PLCH1: variants seen among roughly 807,000 people sequenced by gnomAD.
PLCH1 encodes the protein 1-phosphatidylinositol 4,5-bisphosphate phosphodiesterase eta-1.
In PLCH1, 60 loss-of-function variants were observed where a neutral mutation model predicts 126.7. The ratio of observed to expected loss-of-function variants is 0.47; its 90% CI spans 0.38 to 0.59. PLCH1 has a LOEUF of 0.59. Among genes scored for constraint, PLCH1 ranks in the 20% least tolerant of loss-of-function variants. PLCH1 has a pLI of 0.00. For synonymous variants in PLCH1, 719 were observed against 734.9 expected (o/e 0.98, Z 0.35); for missense variants, 1,723 against 2,040.0 (o/e 0.84, Z 2.99).
chr3:155,683,133 T>C (rs1472822967), intron 2 of PLCH1, among the ~76,000 whole-genome samples: 1 of 152,182 alleles, frequency 6.6e-6, no homozygotes, highest in African/African-American at 2.4e-5. Context: ...CAAAACAAAC[T>C]GAGTATAACC....
At chr3:155,616,074 G>T (rs946890223) in intron 2 of PLCH1, among the ~76,000 whole-genome samples, 2 of 152,094 alleles carry the variant, frequency 1.3e-5, no homozygotes, top group African/African-American at 2.4e-5. Context: ...GAGACATTTG[G>T]AGTTAGCCAT....
intron 8 of PLCH1, among the ~76,000 whole-genome samples, chr3:155,560,972 T>G (rs1256164207): frequency 1.3e-5 from 2 of 152,154 alleles, no homozygotes; most frequent in Non-Finnish European, 2.9e-5. Context: ...CACAGAAGAT[T>G]TAGATATAAA....
chr3:155,740,804 T>C (rs1005196841), intron 1 of PLCH1, among the ~76,000 whole-genome samples: 1 of 152,234 alleles, frequency 6.6e-6, no homozygotes, highest in African/African-American at 2.4e-5. Context: ...TCATCCCCAT[T>C]CTGCCATTTA....
intron 17 of PLCH1, 127 bp downstream of exon 17, chr3:155,494,014 G>GAAA: frequency 1.7e-6 from 1 of 586,392 alleles, no homozygotes; most frequent in Non-Finnish European, 2.9e-6. Context: ...CTATCTTTTT[G>GAAA]AAAAAAAAAA....
chr3:155,732,160 C>CA (rs1198802482), intron 1 of PLCH1, among the ~76,000 whole-genome samples: 3 of 151,416 alleles, frequency 2.0e-5, no homozygotes, highest in Non-Finnish European at 4.4e-5. Flanking sequence ...AGAAATAATT[C>CA]AAAAAAATTA....
At chr3:155,642,350 C>T (rs1276783697) in intron 2 of PLCH1, among the ~76,000 whole-genome samples, 4 of 152,156 alleles carry the variant, frequency 2.6e-5, no homozygotes, top group Admixed American at 2.0e-4. Context: ...GGATAAATTG[C>T]AGACTCTCCC....
chr3:155,661,176 G>A (rs2108940998), intron 2 of PLCH1, among the ~76,000 whole-genome samples: 1 of 152,282 alleles, frequency 6.6e-6, no homozygotes, highest in East Asian at 1.9e-4. Context: ...CAACTTTGTA[G>A]TTCACATAGC....
intron 4 of PLCH1, among the ~76,000 whole-genome samples, chr3:155,592,756 G>A (rs1446628102): frequency 6.6e-6 from 1 of 152,166 alleles, no homozygotes; most frequent in South Asian, 2.1e-4. Context: ...GGCACTGTTA[G>A]TACGGTTTCT....
chr3:155,469,494 G>C (rs1395091665), intron 21 of PLCH1, among the ~76,000 whole-genome samples: 2 of 152,026 alleles, frequency 1.3e-5, no homozygotes, highest in Non-Finnish European at 2.9e-5. Flanking sequence ...CAGCGAGGCT[G>C]GGGGAGGGGC....
intron 6 of PLCH1, among the ~76,000 whole-genome samples, chr3:155,575,214 G>A (rs1441645327): frequency 6.6e-6 from 1 of 152,014 alleles, no homozygotes; most frequent in Non-Finnish European, 1.5e-5. Flanking sequence ...TGAGGAAGGT[G>A]CAAAAAAGAT....
At chr3:155,743,120 C>T (rs1749736377) in intron 1 of PLCH1, 1 of 294,388 alleles carries the variant, frequency 3.4e-6, no homozygotes, top group Non-Finnish European at 6.7e-6. Flanking sequence ...GAAGCTACCG[C>T]TCCTTCTACA....
At chr3:155,634,325 C>A (rs1043599322) in intron 2 of PLCH1, among the ~76,000 whole-genome samples, 1 of 152,182 alleles carries the variant, frequency 6.6e-6, no homozygotes, top group African/African-American at 2.4e-5. Context: ...CTGTGCTTAA[C>A]TGCGCTGCCT....
At chr3:155,462,169 C>G (rs1192018251) in intron 21 of PLCH1, among the ~76,000 whole-genome samples, 2 of 152,046 alleles carry the variant, frequency 1.3e-5, no homozygotes, top group Admixed American at 6.6e-5. Context: ...TTTAACAAAC[C>G]CTGATTGCTA....
chr3:155,476,629 G>A (rs1395316149), downstream of PLCH1, among the ~76,000 whole-genome samples: 1 of 151,896 alleles, frequency 6.6e-6, no homozygotes, highest in Non-Finnish European at 1.5e-5. Flanking sequence ...ACAAAAATCA[G>A]TAGCATTTCA....
chr3:155,664,535 C>T (rs753204099), intron 2 of PLCH1, among the ~76,000 whole-genome samples: 2 of 152,168 alleles, frequency 1.3e-5, no homozygotes, highest in East Asian at 1.9e-4. Context: ...GCAAAAGCAG[C>T]GTTAGAAAAT....
In PLCH1 at chr3:155,655,440, A is replaced by AAAGAAGAAGAAG. The variant is rs3067533; in HGVS notation, c.79+48694_79+48705dup. Reference sequence around the variant, plus strand: ...AGCAAGAAACTTGTGAGAAAAAAAAAAAGAAGAAGAAGAAGAAGAGAAAAT... The same window carrying AAAGAAGAAGAAG: ...AGCAAGAAACTTGTGAGAAAAAAAAAAAGAAGAAGAAGAAGAAGAAGAAGAAGAAGAGAAAAT... On this transcript the variant is annotated intron_variant, in intron 2 of 22. Transcript: ENST00000460012. Among the ~76,000 whole-genome samples the AAAGAAGAAGAAG allele has an allele frequency of 4.0e-5, 6 of 151,150 alleles. No individual in the cohort carries two copies. In the East Asian group the frequency reaches 9.7e-4, roughly 25 times the overall value.
intron 10 of PLCH1, among the ~76,000 whole-genome samples, chr3:155,546,608 T>C (rs2108430202): frequency 6.6e-6 from 1 of 152,316 alleles, no homozygotes; most frequent in African/African-American, 2.4e-5. Context: ...AGAACAAGGC[T>C]GGAGGCATCA....
At chr3:155,523,267 C>T (rs572603632) in intron 11 of PLCH1, among the ~76,000 whole-genome samples, 32 of 152,250 alleles carry the variant, frequency 2.1e-4, no homozygotes, top group Middle Eastern at 3.4e-3. Context: ...TGAGCCACCG[C>T]GCCAGGCCTA....
At chr3:155,744,384 T>C (rs1004349691) in intron 1 of PLCH1, among the ~76,000 whole-genome samples, 1 of 152,198 alleles carries the variant, frequency 6.6e-6, no homozygotes, top group African/African-American at 2.4e-5. Context: ...CAGGAAAAGC[T>C]GTGAGACTCC....
Sources: gnomAD v4.1 joint callset for allele counts (sites outside exome capture counted in the v4.1 genomes callset) on GRCh38, gnomAD v4.1.1 for gene constraint, MANE v1.5 for transcripts, NCBI Gene and HGNC (gene_info 2026-07-23, HGNC 2026-07-21) for gene names.